CLN8: variants seen among roughly 807,000 people sequenced by gnomAD.
The protein encoded by CLN8 is protein CLN8.
CLN8 carries 14 observed loss-of-function variants against 15.7 expected under a neutral mutation model. That is an observed-to-expected ratio of 0.89 (90% CI 0.59 to 1.39). CLN8 has a LOEUF of 1.39. Among genes scored for constraint, CLN8 ranks in the 40% most tolerant of loss-of-function variants. The probability of loss-of-function intolerance (pLI) is 0.00; values close to 1 mark genes in which losing one functional copy is unlikely to be tolerated. For missense variants in CLN8, 415 were observed against 364.0 expected, an observed-to-expected ratio of 1.14 and a Z score of -1.14; for synonymous variants, 188 against 151.0, an observed-to-expected ratio of 1.25 and a Z score of -1.80.
At chr8:1,769,526 C>T (rs1390991640) in intron 1 of CLN8, among the ~76,000 whole-genome samples, 2 of 152,156 alleles carry the variant, frequency 1.3e-5, no homozygotes, top group Admixed American at 1.3e-4. Flanking sequence ...TCCCCACTCC[C>T]TGCAGAAATT....
chr8:1,764,926 A>G (rs955357022), intron 1 of CLN8: 1 of 152,180 alleles, frequency 6.6e-6, no homozygotes, highest in African/African-American at 2.4e-5. Flanking sequence ...TCACTCCCGT[A>G]TTTTGATTTT....
In CLN8 at chr8:1,770,913, T is replaced by C. The variant is rs1183752236; in HGVS notation, c.-123-19T>C. The C allele has an allele frequency of 2.6e-6, 2 of 759,408 alleles. No homozygotes were observed. The highest frequency in any genetic ancestry group is 4.5e-6 in the Non-Finnish European group (2 of 443,680). The allele number at this position is 759,408 out of a possible 1,614,324, so 47.0% of individuals were successfully genotyped here. A position where few individuals can be genotyped will look rare whatever the true frequency, so the allele number is the denominator to read the frequency against. On this transcript the variant is annotated intron_variant, in intron 1 of 2. Transcript: ENST00000331222. ...TTGTTTCTATCGAGTCAACACAAAATGAATGATCTTTCTTTTAGATTGAAG... is the reference window on the plus strand; with the variant it reads ...TTGTTTCTATCGAGTCAACACAAAACGAATGATCTTTCTTTTAGATTGAAG...
intron 2 of CLN8, among the ~76,000 whole-genome samples, chr8:1,778,115 G>A (rs950043302): frequency 2.6e-5 from 4 of 152,182 alleles, no homozygotes; most frequent in African/African-American, 9.7e-5. Flanking sequence ...GTCCAGCATT[G>A]TCCTTCACCA....
chr8:1,764,168 G>T (rs976966507), intron 1 of CLN8: 1 of 152,342 alleles, frequency 6.6e-6, no homozygotes, highest in Non-Finnish European at 1.5e-5. Context: ...GGCGTCCGCG[G>T]TCCCAGCCCT....
At chr8:1,777,065 G>A (rs1376117502) in intron 2 of CLN8, among the ~76,000 whole-genome samples, 1 of 152,160 alleles carries the variant, frequency 6.6e-6, no homozygotes, top group East Asian at 1.9e-4. Flanking sequence ...TCATCGAGTG[G>A]CCGTCATAGA....
intron 1 of CLN8, among the ~76,000 whole-genome samples, chr8:1,765,437 GT>G (rs1801013232): frequency 6.6e-6 from 1 of 152,172 alleles, no homozygotes; most frequent in Non-Finnish European, 1.5e-5. Flanking sequence ...TTTTATTTTT[GT>G]ATTTTTATGC....
chr8:1,780,611 C>T lies in CLN8; in HGVS notation c.*44C>T, dbSNP rs139429870. On this transcript the variant is annotated 3_prime_UTR_variant, in exon 3 of 3. Transcript: ENST00000331222. ...CGGGGCGGCAGCAGAGCTGGCACAC[C>T]GATTCTGGGAAGCCCCGCGAATGAT... 48 of 1,588,558 alleles carry T rather than the reference C, an allele frequency of 3.0e-5. No individual in the cohort carries two copies. Among genetic ancestry groups the T allele is most frequent in the Admixed American group, 2.0e-4 (12 of 59,434 alleles).
chr8:1,777,959 C>T (rs538681742), intron 2 of CLN8, among the ~76,000 whole-genome samples: 1 of 152,352 alleles, frequency 6.6e-6, no homozygotes, highest in African/African-American at 2.4e-5. Flanking sequence ...TGTCTATACA[C>T]TGTGCGTTGT....
chr8:1,753,169 G>C (rs1176308259), upstream of CLN8, among the ~76,000 whole-genome samples: 1 of 152,150 alleles, frequency 6.6e-6, no homozygotes, highest in Non-Finnish European at 1.5e-5. Flanking sequence ...ACGTGGCAAG[G>C]TGTGCAGCTC....
intron 1 of CLN8, among the ~76,000 whole-genome samples, chr8:1,765,890 C>CT (rs1397551332): frequency 6.6e-6 from 1 of 152,230 alleles, no homozygotes; most frequent in African/African-American, 2.4e-5. Context: ...AAACACTGAA[C>CT]TTGCGTTAGC....
upstream of CLN8, among the ~76,000 whole-genome samples, chr8:1,754,861 G>A (rs923962273): frequency 2.0e-5 from 3 of 152,182 alleles, no homozygotes; most frequent in African/African-American, 7.2e-5. Flanking sequence ...GTGCCCTGGG[G>A]TCAAACAGGC....
intron 2 of CLN8, 122 bp from the exon 3 acceptor site, chr8:1,780,128 C>A: frequency 6.4e-7 from 1 of 1,561,380 alleles, no homozygotes; most frequent in Non-Finnish European, 8.6e-7. Flanking sequence ...GGAGGAAATT[C>A]TTTTGCTTTG....
chr8:1,774,859 C>T (rs951510943), intron 2 of CLN8, among the ~76,000 whole-genome samples: 4 of 152,138 alleles, frequency 2.6e-5, no homozygotes, highest in African/African-American at 7.2e-5. Flanking sequence ...TAGTGGCACA[C>T]GTCTGTAGTA....
At position 1,780,516 on chromosome 8, in the gene CLN8, C is replaced by G. The variant is rs1295818451; in HGVS notation, c.810C>G (p.Ala270=). ...PVDWNFAQPE[A]KSRPEGNGQL... The stretch of plus-strand genomic sequence containing the variant: ...ACTGGAACTTCGCACAGCCAGAAGC[C>G]AAGAGCAGGCCAGAAGGCAACGGGC... Residue 270 remains alanine (A), a synonymous_variant, in exon 3 of 3, where the codon GCC becomes GCG. Transcript: ENST00000331222. The G allele has an allele frequency of 1.2e-6, 2 of 1,614,114 alleles. No individual in the cohort carries two copies. Among genetic ancestry groups the G allele is most frequent in the Admixed American group, 1.7e-5 (1 of 60,006 alleles).
intron 1 of CLN8, among the ~76,000 whole-genome samples, chr8:1,768,231 A>G (rs533923913): frequency 1.3e-5 from 2 of 152,318 alleles, no homozygotes; most frequent in South Asian, 4.1e-4. Flanking sequence ...GGTGTGAGCC[A>G]CCACACCCAG....
In CLN8 at chr8:1,771,462, T is replaced by A. The variant is rs535963507; in HGVS notation, c.408T>A (p.Val136=). Residue 136 remains valine, a synonymous_variant, in exon 2 of 3, where the codon GTT becomes GTA. Transcript: ENST00000331222. ...TCCGGACATTTGACTTGTTTCTGGT[T>A]ATCCACCATCTCTTTGCCTTTCTTG... ...LIFRTFDLFL[V]IHHLFAFLGF... The A allele has an allele frequency of 1.9e-6, 3 of 1,614,244 alleles. No homozygotes were observed. Among genetic ancestry groups the A allele is most frequent in the East Asian group, 4.5e-5 (2 of 44,874 alleles).
At chr8:1,761,452 G>T (rs1467436835), upstream of CLN8, among the ~76,000 whole-genome samples, 1 of 152,212 alleles carries the variant, frequency 6.6e-6, no homozygotes, top group Non-Finnish European at 1.5e-5. Flanking sequence ...AGGCTCCCAA[G>T]TAGTTGGCAT....
At chr8:1,761,698 C>G (rs113845689), upstream of CLN8, among the ~76,000 whole-genome samples, 2 of 152,188 alleles carry the variant, frequency 1.3e-5, no homozygotes, top group African/African-American at 4.8e-5. Context: ...GGGGTCAGAT[C>G]AGAGATGAAA....
chr8:1,759,638 G>A (rs1016273515), upstream of CLN8: 1 of 152,252 alleles, frequency 6.6e-6, no homozygotes. Flanking sequence ...CCTGGAGTTA[G>A]GTCAGGTAGA....
Sources: gnomAD v4.1 joint callset for allele counts (sites outside exome capture counted in the v4.1 genomes callset) on GRCh38, gnomAD v4.1.1 for gene constraint, MANE v1.5 for transcripts, NCBI Gene and HGNC (gene_info 2026-07-23, HGNC 2026-07-21) for gene names.